The following THOC3 variants were observed in gnomAD, a reference collection of about 807,000 sequenced individuals.
THOC3 encodes TEX1 homolog.
Under a neutral mutation model 23.3 loss-of-function variants are expected in THOC3, and 4 were observed. The observed-to-expected ratio is 0.17, with a 90% CI of 0.08 to 0.39. The LOEUF is 0.39. Ranked by LOEUF, THOC3 falls within the 10% of genes least tolerant of loss-of-function variation. The pLI is 1.00. For synonymous variants in THOC3, 27 were observed against 141.5 expected (o/e 0.19, Z 5.74); for missense variants, 64 against 359.4 (o/e 0.18, Z 6.65).
At chr5:175,961,861 G>GT (rs1443455770) in intron 3 of THOC3, among the ~76,000 whole-genome samples, 31 of 152,186 alleles carry the variant, frequency 2.0e-4, no homozygotes, top group African/African-American at 6.5e-4. Flanking sequence ...TATAAAATCT[G>GT]TAAGTTTTAG....
chr5:175,963,258 T>C (rs1246711042), intron 3 of THOC3, among the ~76,000 whole-genome samples: 1 of 152,198 alleles, frequency 6.6e-6, no homozygotes, highest in Non-Finnish European at 1.5e-5. Context: ...GCATATGGAA[T>C]CAGCAAAAGC....
At position 175,968,083 on chromosome 5, in the gene THOC3, G is replaced by A. The variant is rs1229779415; in HGVS notation, c.126C>T (p.Phe42=). The change falls in exon 1 of 6, where the codon TTC becomes TTT. Residue 42 remains phenylalanine, a synonymous_variant. Transcript: ENST00000265097. ...SRYVLGMQEL[F]RGHSKTREFL... ...ACTCGCGCGTCTTGCTGTGGCCCCG[G>A]AACAGCTCCTGCATCCCAAGCACGT... 1.2e-6 allele frequency: 2 copies of A among 1,611,284 alleles called. No individual in the cohort carries two copies. The highest frequency in any genetic ancestry group is 1.7e-5 in the Admixed American group (1 of 59,896).
intron 3 of THOC3, among the ~76,000 whole-genome samples, chr5:175,961,961 T>A (rs1419708389): frequency 4.7e-5 from 7 of 150,444 alleles, no homozygotes; most frequent in African/African-American, 1.5e-4. Context: ...TGAGCTTCAA[T>A]TAAAAAAATG....
chr5:175,962,475 C>G (rs1179390462), intron 3 of THOC3, among the ~76,000 whole-genome samples: 1 of 112,682 alleles, frequency 8.9e-6, no homozygotes, highest in East Asian at 2.2e-4. Flanking sequence ...CAGTAATGAA[C>G]ATTCCTAACT....
rs1384149627 is a variant in THOC3, at chr5:175,968,030, G to C, written c.179C>G (p.Ser60Trp). ...EFLAHSAKVH[S>W]VAWSCDGRRL... ...ACGCCCGTCGCAACTCCAGGCCACC[G>C]AGTGCACCTTGGCGCTGTGCGCCAG... Residue 60 changes from serine (S) to tryptophan (W), a missense_variant, in exon 1 of 6, where the codon TCG (serine) becomes TGG (tryptophan). Ser to Trp is a radical substitution (Grantham distance 177, BLOSUM62 -3). Coordinates refer to ENST00000265097, the MANE Select transcript of THOC3 (RefSeq NM_032361.4). The C allele has an allele frequency of 1.2e-6, 2 of 1,610,930 alleles. No individual in the cohort carries two copies. Among genetic ancestry groups the C allele is most frequent in the Non-Finnish European group, 1.7e-6 (2 of 1,179,602 alleles).
At chr5:175,963,652 A>C (rs1581129742) in intron 3 of THOC3, among the ~76,000 whole-genome samples, 1 of 149,188 alleles carries the variant, frequency 6.7e-6, no homozygotes, top group Admixed American at 6.7e-5. Context: ...GATTTTTCTT[A>C]AAAAGTTATA....
At chr5:175,963,503 C>A (rs1756705662) in intron 3 of THOC3, among the ~76,000 whole-genome samples, 1 of 127,884 alleles carries the variant, frequency 7.8e-6, no homozygotes, top group Admixed American at 8.1e-5. Context: ...GGACAAATCA[C>A]CTGGATGGAC....
At chr5:175,961,687 A>C (rs575935926) in intron 3 of THOC3, among the ~76,000 whole-genome samples, 169 of 152,290 alleles carry the variant, frequency 1.1e-3, no homozygotes, top group African/African-American at 4.0e-3. Context: ...AAGAAAAAGA[A>C]AATTAGATTA....
intron 3 of THOC3, among the ~76,000 whole-genome samples, chr5:175,963,198 T>C (rs1028082017): frequency 6.6e-6 from 1 of 152,230 alleles, no homozygotes; most frequent in Non-Finnish European, 1.5e-5. Context: ...GGTAACCAAA[T>C]CGCAGATGAG....
chr5:175,962,961 T>G (rs1015064385), intron 3 of THOC3, among the ~76,000 whole-genome samples: 2 of 152,026 alleles, frequency 1.3e-5, no homozygotes, highest in African/African-American at 4.8e-5. Flanking sequence ...GGAACCAACT[T>G]GAAGAGGTTC....
intron 2 of THOC3, among the ~76,000 whole-genome samples, chr5:175,965,588 C>T (rs1375352944): frequency 2.0e-5 from 3 of 152,228 alleles, no homozygotes; most frequent in Admixed American, 2.0e-4. Context: ...CCACACCAGG[C>T]TAATTTTTTT....
chr5:175,966,722 C>A (rs1352041424), intron 2 of THOC3, among the ~76,000 whole-genome samples: 1 of 151,272 alleles, frequency 6.6e-6, no homozygotes, highest in Non-Finnish European at 1.5e-5. Context: ...TCCAAATTCT[C>A]CATGCCTTTG....
chr5:175,961,923 C>T (rs1468993237), intron 3 of THOC3, among the ~76,000 whole-genome samples: 2 of 151,410 alleles, frequency 1.3e-5, no homozygotes, highest in South Asian at 2.1e-4. Flanking sequence ...TTCCCATGAA[C>T]GCTTCCCGAG....
chr5:175,964,541 C>T (rs1321219437), intron 3 of THOC3, among the ~76,000 whole-genome samples: 2 of 151,396 alleles, frequency 1.3e-5, no homozygotes, highest in Non-Finnish European at 2.9e-5. Flanking sequence ...CGCTTAACCT[C>T]GGAGGCAGAG....
rs1436194735 is a variant in THOC3, at chr5:175,962,419, T to TACACACAC, written c.630-986_630-985insGTGTGTGT. On this transcript the variant is annotated intron_variant, in intron 3 of 5. Transcript: ENST00000265097. ...TATTTTATCTTTAAATATATATATA[T>TACACACAC]ATACACACACACACACACACACACG... 1.9e-3 allele frequency among the ~76,000 whole-genome samples: 79 copies of TACACACAC among 40,614 alleles called. 1 individual carries two copies. Among genetic ancestry groups the TACACACAC allele is most frequent in the African/African-American group, 6.3e-3 (66 of 10,558 alleles). 26.6% of individuals were successfully genotyped at this position (40,614 alleles called of 152,430 possible).
intron 1 of THOC3, chr5:175,967,586 A>G (rs1316783509): frequency 1.5e-5 from 4 of 271,956 alleles, no homozygotes; most frequent in Admixed American, 1.1e-4. Flanking sequence ...CACCACCACC[A>G]CAGCCCCTAG....
intron 2 of THOC3, among the ~76,000 whole-genome samples, chr5:175,966,790 C>G (rs1183028670): frequency 2.0e-5 from 3 of 151,486 alleles, no homozygotes; most frequent in African/African-American, 7.3e-5. Context: ...CCTGACCACT[C>G]AACTCCTATG....
intron 3 of THOC3, among the ~76,000 whole-genome samples, chr5:175,962,166 T>A (rs563743017): frequency 6.6e-6 from 1 of 151,396 alleles, no homozygotes; most frequent in Admixed American, 6.6e-5. Context: ...AGTCATCACA[T>A]TGGTGGTAGC....
intron 5 of THOC3, chr5:175,960,374 C>A: frequency 4.1e-6 from 1 of 243,610 alleles, no homozygotes; most frequent in South Asian, 5.0e-5. Context: ...AAAGTGTCTC[C>A]GCGTCACAGG....
Sources: gnomAD v4.1 joint callset for allele counts (sites outside exome capture counted in the v4.1 genomes callset) on GRCh38, gnomAD v4.1.1 for gene constraint, MANE v1.5 for transcripts, NCBI Gene and HGNC (gene_info 2026-07-23, HGNC 2026-07-21) for gene names.